Variants in MEI4 observed in about 807,000 individuals in gnomAD.
MEI4 encodes meiosis-specific protein MEI4.
Under a neutral mutation model 31.4 loss-of-function variants are expected in MEI4, and 27 were observed. That is an observed-to-expected ratio of 0.86 (90% confidence interval 0.63 to 1.19). The LOEUF (loss-of-function observed/expected upper bound fraction) is 1.19. MEI4 is among the 50% of genes most tolerant of loss of function. MEI4 has a pLI of 0.00. For synonymous variants in MEI4, 122 were observed against 145.4 expected, an observed-to-expected ratio of 0.84 and a Z score of 1.16; for missense variants, 329 against 398.9, an observed-to-expected ratio of 0.82 and a Z score of 1.49.
chr6:77,706,303 C>T (rs1766332572), intron 2 of MEI4, among the ~76,000 whole-genome samples: 1 of 152,160 alleles, frequency 6.6e-6, no homozygotes, highest in African/African-American at 2.4e-5. Flanking sequence ...CTTCCCTGTG[C>T]CCACAAGGAA....
chr6:77,756,203 T>C (rs1767911871), intron 2 of MEI4, among the ~76,000 whole-genome samples: 1 of 152,190 alleles, frequency 6.6e-6, no homozygotes, highest in South Asian at 2.1e-4. Flanking sequence ...GAATGGATAC[T>C]TAAAAATCTT....
chr6:77,708,825 A>G (rs545035426), intron 2 of MEI4, among the ~76,000 whole-genome samples: 5 of 152,296 alleles, frequency 3.3e-5, no homozygotes, highest in African/African-American at 1.2e-4. Flanking sequence ...ACCTGCTGTC[A>G]TGATTATAAA....
chr6:77,884,946 T>A (rs1277541438), intron 4 of MEI4, among the ~76,000 whole-genome samples: 2 of 152,168 alleles, frequency 1.3e-5, no homozygotes. Flanking sequence ...CTTTGAGTAG[T>A]ATGGTCATTT....
At chr6:77,866,459 G>A (rs927531592) in intron 4 of MEI4, among the ~76,000 whole-genome samples, 2 of 152,146 alleles carry the variant, frequency 1.3e-5, no homozygotes, top group Non-Finnish European at 2.9e-5. Context: ...CGAATCATGA[G>A]TGAACTCCCA....
chr6:77,744,971 A>G (rs911318813), intron 2 of MEI4, among the ~76,000 whole-genome samples: 1 of 152,236 alleles, frequency 6.6e-6, no homozygotes, highest in Non-Finnish European at 1.5e-5. Flanking sequence ...TGAAGGAAGC[A>G]CTAAACATGG....
intron 4 of MEI4, among the ~76,000 whole-genome samples, chr6:77,916,920 CT>C (rs1266729141): frequency 2.2e-4 from 33 of 148,914 alleles, no homozygotes; most frequent in African/African-American, 6.2e-4. Context: ...CCCTCCCCCC[CT>C]ACCCCCACCC....
At chr6:77,790,599 C>G (rs1461389478) in intron 3 of MEI4, among the ~76,000 whole-genome samples, 2 of 151,978 alleles carry the variant, frequency 1.3e-5, no homozygotes, top group African/African-American at 4.8e-5. Context: ...ATATTGAAAA[C>G]TTCCCAAATC....
intron 2 of MEI4, among the ~76,000 whole-genome samples, chr6:77,731,483 T>C (rs573019324): frequency 6.6e-6 from 1 of 151,534 alleles, no homozygotes; most frequent in South Asian, 2.1e-4. Context: ...TTGTTTGTTT[T>C]TTTCTTGTAA....
At chr6:77,884,508 T>C (rs1183056020) in intron 4 of MEI4, among the ~76,000 whole-genome samples, 1 of 152,204 alleles carries the variant, frequency 6.6e-6, no homozygotes, top group Non-Finnish European at 1.5e-5. Flanking sequence ...AAATCTTCAA[T>C]CTGTTTTGAG....
chr6:77,787,529 C>G (rs79610273), intron 3 of MEI4, among the ~76,000 whole-genome samples: 2,186 of 152,250 alleles, frequency 0.014, 55 homozygotes, highest in African/African-American at 0.05. Context: ...AGGTGCAATT[C>G]TGTCAGCCCA....
At chr6:77,745,104 A>C (rs1767555239) in intron 2 of MEI4, among the ~76,000 whole-genome samples, 1 of 152,214 alleles carries the variant, frequency 6.6e-6, no homozygotes. Context: ...GACAGGATCA[A>C]ATTCACACAT....
chr6:77,776,195 T>C (rs537114876), intron 3 of MEI4, among the ~76,000 whole-genome samples: 3 of 151,580 alleles, frequency 2.0e-5, no homozygotes, highest in African/African-American at 7.3e-5. Context: ...GTTTTTTTGC[T>C]GTGTAGAAGC....
intron 3 of MEI4, among the ~76,000 whole-genome samples, chr6:77,803,812 T>C (rs748974076): frequency 3.3e-5 from 5 of 152,156 alleles, no homozygotes; most frequent in Non-Finnish European, 7.4e-5. Context: ...CAAATGTTGC[T>C]GCCCGATCGT....
At chr6:77,741,684 A>G (rs142031736) in intron 2 of MEI4, among the ~76,000 whole-genome samples, 4,430 of 151,664 alleles carry the variant, frequency 0.029, 225 homozygotes, top group African/African-American at 0.1. Context: ...TTAGTTACAT[A>G]TGTACACATG....
At chr6:77,867,932 C>G (rs9352536) in intron 4 of MEI4, among the ~76,000 whole-genome samples, 55,303 of 151,810 alleles carry the variant, frequency 0.36, 10,579 homozygotes, top group African/African-American at 0.49. Context: ...ATGGATAAAA[C>G]TGGAAACCCT....
chr6:77,741,862 A>C lies in MEI4; in HGVS notation c.233-19268A>C, dbSNP rs889911193. 2.0e-5 allele frequency among the ~76,000 whole-genome samples: 3 copies of C among 146,610 alleles called. No individual in the cohort carries two copies. In the Admixed American group the frequency reaches 2.1e-4, roughly 10 times the overall value. ...TCAATTCCCACCTATGAGTGAGAAC[A>C]TGCGGTGTTTGGTTTTTTGTCCTTG... On this transcript the variant is annotated intron_variant, in intron 2 of 4. Transcript: ENST00000684080.
intron 4 of MEI4, among the ~76,000 whole-genome samples, chr6:77,910,170 GCA>G (rs1562035000): frequency 6.6e-6 from 1 of 152,010 alleles, no homozygotes; most frequent in African/African-American, 2.4e-5. Flanking sequence ...CCCTCTCTCA[GCA>G]CTCCTATTCA....
intron 4 of MEI4, 99 bp from the exon 5 acceptor site, chr6:77,922,990 A>G (rs1057018523): frequency 1.5e-5 from 10 of 647,736 alleles, no homozygotes; most frequent in Non-Finnish European, 2.2e-5. Flanking sequence ...AAATATTTCA[A>G]ATATATTTCG....
At chr6:77,657,658 A>G (rs1768422491) in intron 1 of MEI4, among the ~76,000 whole-genome samples, 1 of 152,084 alleles carries the variant, frequency 6.6e-6, no homozygotes, top group Admixed American at 6.6e-5. Flanking sequence ...GTCTACTTTA[A>G]GAAGTCAAGA....
Sources: allele counts gnomAD v4.1 joint callset (sites outside exome capture counted in the v4.1 genomes callset), GRCh38; gene constraint gnomAD v4.1.1; transcripts MANE v1.5; gene names NCBI Gene and HGNC (gene_info 2026-07-23, HGNC 2026-07-21).